CTSD: variants seen among roughly 807,000 people sequenced by gnomAD.
CTSD encodes cathepsin D, also known as ceroid-lipofuscinosis, neuronal 10.
A neutral mutation model predicts 43.6 loss-of-function variants in CTSD; 28 were observed. That is an observed-to-expected ratio of 0.64 (90% CI 0.48 to 0.88). The LOEUF is 0.88. CTSD is among the 40% of genes least tolerant of loss of function. The probability of loss-of-function intolerance (pLI) is 0.00; values close to 1 mark genes in which losing one functional copy is unlikely to be tolerated. For missense variants in CTSD, 485 were observed against 555.2 expected, an observed-to-expected ratio of 0.87 and a Z score of 1.27; for synonymous variants, 270 against 249.8, an observed-to-expected ratio of 1.08 and a Z score of -0.76.
In CTSD at chr11:1,753,897, A is replaced by G. The variant is rs1565018786; in HGVS notation, c.977T>C (p.Met326Thr). 2 of 1,613,360 alleles carry G rather than the reference A, an allele frequency of 1.2e-6. No individual in the cohort carries two copies. Among genetic ancestry groups the G allele is most frequent in the Non-Finnish European group, 8.5e-7 (1 of 1,179,580 alleles). Residue 326 changes from methionine (M) to threonine (T), a missense_variant, in exon 8 of 9, where the codon ATG becomes ACG. Coordinates refer to ENST00000236671, the MANE Select transcript of CTSD (RefSeq NM_001909.5). ...GAVPLIQGEYMIPCEKVSTLP... is the reference protein window; with the variant it reads ...GAVPLIQGEYTIPCEKVSTLP... ...GGTGGACACCTTCTCACAGGGGATC[A>G]TGTACTAAGAGGGGTCACAGCAGTG...
At chr11:1,756,481 T>C (rs1345480169) in intron 5 of CTSD, among the ~76,000 whole-genome samples, 1 of 152,110 alleles carries the variant, frequency 6.6e-6, no homozygotes, top group Admixed American at 6.5e-5. Flanking sequence ...GCCCAGAGAC[T>C]CCAAGTGCCA....
intron 6 of CTSD, among the ~76,000 whole-genome samples, chr11:1,754,435 ATG>A: frequency 1.0e-5 from 1 of 100,462 alleles, no homozygotes; most frequent in African/African-American, 3.7e-5. Context: ...GCATGGAGGG[ATG>A]GAGGGATGGA....
Position 1,754,975 on chromosome 11 carries a change from T to C in CTSD, c.758A>G (p.Lys253Arg), listed in dbSNP as rs138191189. ...GELMLGGTDSKYYKGSLSYLN... is the reference protein window; with the variant it reads ...GELMLGGTDSRYYKGSLSYLN... ...GTAGGACAGAGAACCCTTGTAATACTTGGAGTCTGTGCCACCCAGCATCAG... is the reference window on the plus strand; with the variant it reads ...GTAGGACAGAGAACCCTTGTAATACCTGGAGTCTGTGCCACCCAGCATCAG... Residue 253 changes from lysine (K) to arginine (R), a missense_variant, in exon 6 of 9, where the codon AAG (lysine) becomes AGG (arginine). Lys to Arg is a conservative substitution (Grantham distance 26). Transcript: ENST00000236671. 2.6e-5 allele frequency: 42 copies of C among 1,613,830 alleles called. No individual in the cohort carries two copies. In the African/African-American group the frequency reaches 3.6e-4, roughly 14 times the overall value.
chr11:1,761,543 AC>A, intron 1 of CTSD, 75 bp from the exon 2 acceptor site: 1 of 1,515,518 alleles, frequency 6.6e-7, no homozygotes, highest in Non-Finnish European at 9.1e-7. Flanking sequence ...CTGCACATCC[AC>A]CTGGAGGCCC....
chr11:1,754,360 AGGGATGGAG>A (rs1554962332), intron 6 of CTSD: 1 of 435,284 alleles, frequency 2.3e-6, no homozygotes. Context: ...AGGGGCATGG[AGGGATGGAG>A]GGGATGGAGG....
intron 2 of CTSD, among the ~76,000 whole-genome samples, chr11:1,760,171 C>T (rs575767192): frequency 6.7e-4 from 102 of 152,350 alleles, no homozygotes; most frequent in African/African-American, 2.3e-3. Context: ...AGGGGTTCAG[C>T]TGGTCAAGGG....
intron 4 of CTSD, among the ~76,000 whole-genome samples, chr11:1,758,764 C>T (rs1396920789): frequency 1.3e-5 from 2 of 152,166 alleles, no homozygotes; most frequent in Non-Finnish European, 2.9e-5. Context: ...GCCCCTGTAC[C>T]CCCTGGGTTT....
At chr11:1,756,265 C>T (rs1287723529) in intron 5 of CTSD, among the ~76,000 whole-genome samples, 1 of 152,206 alleles carries the variant, frequency 6.6e-6, no homozygotes, top group Non-Finnish European at 1.5e-5. Flanking sequence ...CTCAGGGGAC[C>T]CCTTTTCACC....
chr11:1,759,412 A>G, intron 3 of CTSD, 104 bp downstream of exon 3: 1 of 1,536,388 alleles, frequency 6.5e-7, no homozygotes, highest in East Asian at 2.2e-5. Context: ...TCACGGGGCC[A>G]AGAGGCAGGA....
intron 3 of CTSD, 90 bp downstream of exon 3, chr11:1,759,426 T>C (rs1010636305): frequency 6.4e-6 from 10 of 1,574,404 alleles, no homozygotes; most frequent in African/African-American, 5.4e-5. Context: ...GGCAGGAGAA[T>C]TGCGTTGCCC....
chr11:1,755,207 G>A (rs964450214), intron 5 of CTSD, 179 bp from the exon 6 acceptor site: 14 of 742,412 alleles, frequency 1.9e-5, no homozygotes, highest in African/African-American at 8.6e-5. Flanking sequence ...CCTTCTTCCC[G>A]GGGTAGGGCT....
At chr11:1,754,533 A>ATGGAGGGATGGAGGGGTGGAG (rs1590904648) in intron 6 of CTSD, among the ~76,000 whole-genome samples, 1 of 18,944 alleles carries the variant, frequency 5.3e-5, no homozygotes, top group Non-Finnish European at 9.4e-5. Context: ...GAGGGGATGG[A>ATGGAGGGATGGAGGGGTGGAG]GGGATGGAGG....
chr11:1,753,913 C>G lies in CTSD; in HGVS notation c.973-12G>C. Reference sequence around the variant, plus strand: ...CAGGGGATCATGTACTAAGAGGGGTCACAGCAGTGTCAGGGTGGTAGTGGT... The same window carrying G: ...CAGGGGATCATGTACTAAGAGGGGTGACAGCAGTGTCAGGGTGGTAGTGGT... On this transcript the variant is annotated splice_polypyrimidine_tract_variant and intron_variant, in intron 7 of 8. Coordinates refer to ENST00000236671, the MANE Select transcript of CTSD (RefSeq NM_001909.5). 1.2e-6 allele frequency: 2 copies of G among 1,612,962 alleles called. No individual in the cohort carries two copies. Among genetic ancestry groups the G allele is most frequent in the Non-Finnish European group, 1.7e-6 (2 of 1,179,382 alleles).
At position 1,761,375 on chromosome 11, in the gene CTSD, C is replaced by T. The variant is rs772295133; in HGVS notation, c.162G>A (p.Lys54=). 23 of 1,613,738 alleles carry T rather than the reference C, an allele frequency of 1.4e-5. No individual in the cohort carries two copies. In the South Asian group the frequency reaches 2.2e-4, roughly 15 times the overall value. The part of the protein sequence containing the change: ...EDLIAKGPVS[K]YSQAVPAVTE... The stretch of plus-strand genomic sequence containing the variant: ...TCACGGCTGGCACCGCCTGGGAGTA[C>T]TTTGAGACGGGGCCTTTGGCAATCA... Residue 54 remains lysine (K), a synonymous_variant, in exon 2 of 9, where the codon AAG becomes AAA. Coordinates refer to ENST00000236671, the MANE Select transcript of CTSD (RefSeq NM_001909.5).
intron 1 of CTSD, 55 bp downstream of exon 1, chr11:1,763,737 G>A (rs1172220779): frequency 6.8e-7 from 1 of 1,465,036 alleles, no homozygotes; most frequent in Non-Finnish European, 9.1e-7. Context: ...CAGGCCCCGG[G>A]ACCTCGGCGC....
At position 1,754,017 on chromosome 11, in the gene CTSD, C is replaced by T. The variant is rs1194468387; in HGVS notation, c.949G>A (p.Ala317Thr). 6.2e-7 allele frequency: 1 copy of T among 1,607,740 alleles called. No individual in the cohort carries two copies. Among genetic ancestry groups the T allele is most frequent in the Non-Finnish European group, 8.5e-7 (1 of 1,177,920 alleles). ...EVRELQKAIG[A>T]VPLIQGEYMI... is the part of the protein sequence containing the mutation. ...ACCTCGCCCTGAATCAGCGGCACGG[C>T]CCCGATGGCCTTCTGCAGCTCGCGC... Residue 317 changes from alanine to threonine, a missense_variant, in exon 7 of 9, where the codon GCC (alanine) becomes ACC (threonine). Transcript: ENST00000236671.
At chr11:1,761,136 G>A in intron 2 of CTSD, 173 bp downstream of exon 2, 2 of 694,896 alleles carry the variant, frequency 2.9e-6, no homozygotes, top group Admixed American at 2.1e-5. Flanking sequence ...GCCAGTGGCA[G>A]GAGGTTCCAG....
intron 6 of CTSD, 45 bp from the exon 7 acceptor site, chr11:1,754,183 G>A (rs537939304): frequency 1.3e-6 from 2 of 1,587,102 alleles, no homozygotes; most frequent in Middle Eastern, 1.7e-4. Flanking sequence ...ACTGGAGTGT[G>A]CCCTGGGGGC....
chr11:1,761,509 G>C, intron 1 of CTSD, 41 bp from the exon 2 acceptor site: 1 of 1,609,426 alleles, frequency 6.2e-7, no homozygotes, highest in Middle Eastern at 1.7e-4. Context: ...AGGCCCTCCC[G>C]CCTGCCGGCC....
Sources: allele counts gnomAD v4.1 joint callset (sites outside exome capture counted in the v4.1 genomes callset), GRCh38; gene constraint gnomAD v4.1.1; transcripts MANE v1.5; gene names NCBI Gene and HGNC (gene_info 2026-07-23, HGNC 2026-07-21).